Variants in ZNF92 observed in about 807,000 individuals in gnomAD.
ZNF92 encodes epididymis luminal protein 203.
In ZNF92, 11 loss-of-function variants were observed where a neutral mutation model predicts 12.4. That is an observed-to-expected ratio of 0.89 (90% CI 0.56 to 1.47). The LOEUF (loss-of-function observed/expected upper bound fraction) is 1.47. Among genes scored for constraint, ZNF92 ranks in the 40% most tolerant of loss-of-function variants. The probability of loss-of-function intolerance (pLI) is 0.00; values close to 1 mark genes in which losing one functional copy is unlikely to be tolerated. For missense variants in ZNF92, 622 were observed against 681.0 expected (o/e 0.91, Z 0.96); for synonymous variants, 206 against 228.6 (o/e 0.90, Z 0.89).
intron 3 of ZNF92, among the ~76,000 whole-genome samples, chr7:65,396,560 TATG>T (rs1467952156): frequency 6.6e-6 from 1 of 152,164 alleles, no homozygotes; most frequent in Admixed American, 6.5e-5. Context: ...GCTCCATCAT[TATG>T]ATAGTAAAGA....
rs1793902986 is a variant in ZNF92 at position 65,398,449 on chromosome 7, A to G, written c.335A>G (p.Gln112Arg). ...TYGKYGHENLQLRKDHKSVDA... is the reference protein window; with the variant it reads ...TYGKYGHENLRLRKDHKSVDA... ...GGAAAATATGGACATGAGAATTTAC[A>G]GCTAAGAAAAGACCATAAAAGTGTG... Residue 112 changes from glutamine (Q) to arginine (R), a missense_variant, in exon 4 of 4, where the codon CAG becomes CGG. Transcript: ENST00000328747. The G allele has an allele frequency of 6.2e-7, 1 of 1,612,982 alleles. No individual in the cohort carries two copies. The highest frequency in any genetic ancestry group is 1.3e-5 in the African/African-American group (1 of 74,852).
rs147889779 is a variant in ZNF92 at position 65,380,148 on chromosome 7, T to A, written c.3+6148T>A. ...TGTTTCTGCATTAGTTTTCTAAGGA[T>A]AATGGTCTCCAGCTCCATCCATGTT... On this transcript the variant is annotated intron_variant, in intron 1 of 3. Transcript: ENST00000328747. Among the ~76,000 whole-genome samples, 972 of 152,306 alleles carry A rather than the reference T, an allele frequency of 6.4e-3. 5 individuals carry two copies. The highest frequency in any genetic ancestry group is 0.022 in the African/African-American group (917 of 41,556).
At chr7:65,392,964 G>T (rs1258409485) in intron 3 of ZNF92, among the ~76,000 whole-genome samples, 1 of 152,022 alleles carries the variant, frequency 6.6e-6, no homozygotes, top group Non-Finnish European at 1.5e-5. Flanking sequence ...TGAGGGGAGA[G>T]GATTACTTAA....
intron 1 of ZNF92, among the ~76,000 whole-genome samples, chr7:65,385,554 C>T (rs1793540031): frequency 6.6e-6 from 1 of 152,116 alleles, no homozygotes; most frequent in Admixed American, 6.6e-5. Context: ...CCCATATTTC[C>T]ATTACTTTAG....
intron 1 of ZNF92, among the ~76,000 whole-genome samples, chr7:65,384,525 G>A (rs143283624): frequency 5.0e-4 from 76 of 152,200 alleles, no homozygotes; most frequent in African/African-American, 1.8e-3. Flanking sequence ...TAATATTTTA[G>A]GGCCTTAATT....
intron 1 of ZNF92, among the ~76,000 whole-genome samples, chr7:65,374,294 G>A (rs1457442765): frequency 1.3e-5 from 2 of 152,184 alleles, no homozygotes; most frequent in Non-Finnish European, 2.9e-5. Flanking sequence ...AGTGTGCAGG[G>A]ACGACGGGAG....
At chr7:65,392,585 G>A (rs1257201762) in intron 3 of ZNF92, among the ~76,000 whole-genome samples, 1 of 148,558 alleles carries the variant, frequency 6.7e-6, no homozygotes, top group Non-Finnish European at 1.5e-5. Flanking sequence ...TGCCCAGGCT[G>A]GAGTACAATG....
At chr7:65,397,432 GTCTGTGTT>G (rs1190885755) in intron 3 of ZNF92, among the ~76,000 whole-genome samples, 2 of 151,504 alleles carry the variant, frequency 1.3e-5, no homozygotes, top group East Asian at 3.9e-4. Context: ...TTCAGAAATC[GTCTGTGTT>G]TCTGTTTCAC....
intron 3 of ZNF92, among the ~76,000 whole-genome samples, chr7:65,391,931 A>T (rs1793726600): frequency 2.0e-5 from 3 of 152,132 alleles, no homozygotes; most frequent in Admixed American, 1.3e-4. Context: ...ATGGTACATC[A>T]ATATTGCAAA....
intron 2 of ZNF92, 198 bp downstream of exon 2, chr7:65,388,226 T>C (rs1319369028): frequency 4.9e-6 from 2 of 408,326 alleles, no homozygotes; most frequent in Non-Finnish European, 8.5e-6. Flanking sequence ...ATTCCTGAGC[T>C]GATCTATATC....
At chr7:65,381,060 C>T (rs1260637584) in intron 1 of ZNF92, among the ~76,000 whole-genome samples, 1 of 152,004 alleles carries the variant, frequency 6.6e-6, no homozygotes, top group Non-Finnish European at 1.5e-5. Context: ...GTTATCCAGG[C>T]TGGAGTGCAG....
At chr7:65,387,256 T>C (rs1793593884) in intron 1 of ZNF92, among the ~76,000 whole-genome samples, 1 of 152,124 alleles carries the variant, frequency 6.6e-6, no homozygotes, top group African/African-American at 2.4e-5. Context: ...ATTAAGTATC[T>C]TTATGCAGCT....
intron 1 of ZNF92, among the ~76,000 whole-genome samples, chr7:65,387,132 G>A (rs1271855732): frequency 1.3e-5 from 2 of 151,608 alleles, no homozygotes; most frequent in East Asian, 1.9e-4. Context: ...GTAGAAATGG[G>A]GTTTCACCAT....
Position 65,399,651 on chromosome 7 carries a change from A to G in ZNF92, c.1537A>G (p.Lys513Glu). 6.2e-7 allele frequency: 1 copy of G among 1,613,618 alleles called. No homozygotes were observed. The highest frequency in any genetic ancestry group is 8.5e-7 in the Non-Finnish European group (1 of 1,179,724). The change falls in exon 4 of 4, where the codon AAA becomes GAA. Residue 513 changes from lysine to glutamate, a missense_variant. Physicochemically the swap from Lys to Glu is moderately conservative, Grantham distance 56. Coordinates refer to ENST00000328747, the MANE Select transcript of ZNF92 (RefSeq NM_152626.4). ...HTEGKSYKCEKCGNAFNQSSN... is the reference protein window; with the variant it reads ...HTEGKSYKCEECGNAFNQSSN... ...TGAAGGGAAATCCTACAAATGTGAAAAATGTGGCAATGCTTTTAACCAGTC... is the reference window on the plus strand; with the variant it reads ...TGAAGGGAAATCCTACAAATGTGAAGAATGTGGCAATGCTTTTAACCAGTC...
At chr7:65,374,054 G>A (rs199709092) in intron 1 of ZNF92, 54 bp downstream of exon 1, 23 of 1,612,508 alleles carry the variant, frequency 1.4e-5, no homozygotes, top group Non-Finnish European at 1.9e-5. Flanking sequence ...GGCTGGAACC[G>A]ATTGGAAGTG....
Position 65,373,879 on chromosome 7 carries a change from A to G in ZNF92, c.-119A>G. The G allele has an allele frequency of 7.0e-7, 1 of 1,419,284 alleles. No individual in the cohort carries two copies. The highest frequency in any genetic ancestry group is 1.0e-6 in the Non-Finnish European group (1 of 1,004,578). 87.9% of individuals were successfully genotyped at this position (1,419,284 alleles called of 1,614,324 possible). On this transcript the variant is annotated 5_prime_UTR_variant, in exon 1 of 4. Coordinates refer to ENST00000328747, the MANE Select transcript of ZNF92 (RefSeq NM_152626.4). ...TGTCTCTCGCTGCAGCCGGCGCTCC[A>G]CGTCTAGTCTTCACTGCTCTGCGTC...
rs199555729 is a variant in ZNF92, at chr7:65,388,047, C to G, written c.130+19C>G. ...TTCCTTGGTGAGGATAACTTCAATA[C>G]ACAATACACAATGCTCTAAAAGTTT... On this transcript the variant is annotated intron_variant, in intron 2 of 3. Transcript: ENST00000328747. 6.3e-7 allele frequency: 1 copy of G among 1,577,638 alleles called. No homozygotes were observed. The highest frequency in any genetic ancestry group is 8.6e-7 in the Non-Finnish European group (1 of 1,166,358).
intron 1 of ZNF92, among the ~76,000 whole-genome samples, chr7:65,381,083 G>A (rs188042305): frequency 5.9e-5 from 9 of 151,756 alleles, no homozygotes; most frequent in Admixed American, 5.3e-4. Context: ...GCACGATCTC[G>A]GCTCACTGCA....
intron 1 of ZNF92, among the ~76,000 whole-genome samples, chr7:65,380,906 A>G (rs546386514): frequency 1.3e-5 from 2 of 152,006 alleles, no homozygotes; most frequent in South Asian, 4.2e-4. Flanking sequence ...CTGGTGTGAG[A>G]TGGTATCTCA....
Sources: gnomAD v4.1 joint callset for allele counts (sites outside exome capture counted in the v4.1 genomes callset) on GRCh38, gnomAD v4.1.1 for gene constraint, MANE v1.5 for transcripts, NCBI Gene and HGNC (gene_info 2026-07-23, HGNC 2026-07-21) for gene names.